Variants in TMEM117 observed in about 807,000 individuals in gnomAD.
The protein encoded by TMEM117 is transmembrane protein 117.
Under a neutral mutation model 52.4 loss-of-function variants are expected in TMEM117, and 27 were observed. That is an observed-to-expected ratio of 0.51 (90% CI 0.38 to 0.71). The LOEUF (loss-of-function observed/expected upper bound fraction) is 0.71. Ranked by LOEUF, TMEM117 falls within the 30% of genes least tolerant of loss-of-function variation. The pLI is 0.00. For synonymous variants in TMEM117, 215 were observed against 206.3 expected (o/e 1.04, Z -0.36); for missense variants, 556 against 630.5 (o/e 0.88, Z 1.26).
chr12:43,805,561 G>C, the TMEM117 span: 6 of 459,826 alleles, frequency 1.3e-5, no homozygotes, highest in African/African-American at 1.0e-4. Context: ...AAATAATGGA[G>C]GTCAGATATA....
At chr12:44,150,339 A>C (rs1352743410) in intron 4 of TMEM117, among the ~76,000 whole-genome samples, 2 of 152,154 alleles carry the variant, frequency 1.3e-5, no homozygotes, top group African/African-American at 4.8e-5. Context: ...GAAGGAGGCA[A>C]GCAAAGATAT....
At chr12:43,812,265 C>T in the TMEM117 span, among the ~76,000 whole-genome samples, 1 of 152,194 alleles carries the variant, frequency 6.6e-6, no homozygotes. Context: ...TTCTCAGAGA[C>T]AGCGCCTAAA....
At chr12:44,103,189 CTTCT>C (rs1227423030) in intron 3 of TMEM117, among the ~76,000 whole-genome samples, 3 of 148,852 alleles carry the variant, frequency 2.0e-5, no homozygotes, top group Admixed American at 6.7e-5. Context: ...TTTATAAGGT[CTTCT>C]TTCTTCTGCA....
At chr12:44,182,417 A>C (rs1949215199) in intron 4 of TMEM117, among the ~76,000 whole-genome samples, 1 of 152,224 alleles carries the variant, frequency 6.6e-6, no homozygotes, top group Non-Finnish European at 1.5e-5. Flanking sequence ...GAGAGAGGGC[A>C]TCCCTGTCTT....
intron 2 of TMEM117, among the ~76,000 whole-genome samples, chr12:43,847,953 G>C (rs1156800443): frequency 6.6e-6 from 1 of 152,182 alleles, no homozygotes; most frequent in Admixed American, 6.5e-5. Context: ...TCACATATCA[G>C]TAGGACTGTG....
intron 2 of TMEM117, among the ~76,000 whole-genome samples, chr12:43,907,432 G>A (rs6582489): frequency 0.98 from 148,481 of 150,754 alleles, 73,167 homozygotes; most frequent in East Asian, 1. Context: ...TCTAAAAAGC[G>A]GAGCGCCTCT....
chr12:43,943,726 A>G (rs903004759), intron 2 of TMEM117, among the ~76,000 whole-genome samples: 1 of 152,120 alleles, frequency 6.6e-6, no homozygotes, highest in African/African-American at 2.4e-5. Flanking sequence ...TTTTCTTTCA[A>G]GTTTTCATGT....
In TMEM117 at chr12:44,289,790, C is replaced by T. The variant is rs184841572; in HGVS notation, c.609-9790C>T. ...GATGGTCTCAAACTCCTTCCTGATC[C>T]GCCCGCCTCAGCTTCCCAAAGTGCT... is the stretch of plus-strand genomic sequence containing the variant. On this transcript the variant is annotated intron_variant, in intron 5 of 7. Transcript: ENST00000266534. Among the ~76,000 whole-genome samples, 314 of 152,034 alleles carry T rather than the reference C, an allele frequency of 2.1e-3. 5 individuals are homozygous for T. The highest frequency in any genetic ancestry group is 6.8e-3 in the African/African-American group (283 of 41,494).
chr12:44,208,716 A>G (rs1949603876), intron 4 of TMEM117, among the ~76,000 whole-genome samples: 1 of 145,358 alleles, frequency 6.9e-6, no homozygotes, highest in Non-Finnish European at 1.5e-5. Context: ...GCCTGGCATC[A>G]GAAAGAATGT....
At chr12:44,393,849 G>A (rs1272994680), downstream of TMEM117, among the ~76,000 whole-genome samples, 1 of 152,112 alleles carries the variant, frequency 6.6e-6, no homozygotes, top group South Asian at 2.1e-4. Context: ...TCATTGCCCC[G>A]TGTTTTGATT....
intron 2 of TMEM117, among the ~76,000 whole-genome samples, chr12:43,914,754 C>T (rs772166375): frequency 6.6e-6 from 1 of 152,076 alleles, no homozygotes; most frequent in East Asian, 1.9e-4. Context: ...GACCAAAAAG[C>T]ATTTGGGTAT....
the TMEM117 span, chr12:43,805,582 G>T: frequency 8.6e-6 from 4 of 466,602 alleles, no homozygotes; most frequent in South Asian, 6.2e-5. Context: ...ACTGCATATT[G>T]AACTGTCTGC....
At chr12:43,839,860 G>T (rs985971008) in intron 1 of TMEM117, among the ~76,000 whole-genome samples, 1 of 152,214 alleles carries the variant, frequency 6.6e-6, no homozygotes, top group Admixed American at 6.5e-5. Flanking sequence ...ATGATGATCA[G>T]CACTCTTTTG....
intron 2 of TMEM117, among the ~76,000 whole-genome samples, chr12:43,921,601 C>T (rs1166214396): frequency 6.6e-6 from 1 of 152,104 alleles, no homozygotes; most frequent in East Asian, 1.9e-4. Context: ...TTGGTTCTAC[C>T]TTCTCTTTCT....
At chr12:44,047,151 ATTAG>A (rs1310030443) in intron 3 of TMEM117, among the ~76,000 whole-genome samples, 2 of 152,108 alleles carry the variant, frequency 1.3e-5, no homozygotes, top group Non-Finnish European at 2.9e-5. Context: ...ATATAGTTCT[ATTAG>A]TTCTGTCCTT....
At chr12:44,153,731 G>A (rs536015879) in intron 4 of TMEM117, among the ~76,000 whole-genome samples, 3 of 151,940 alleles carry the variant, frequency 2.0e-5, no homozygotes, top group Non-Finnish European at 4.4e-5. Context: ...TTTGCTCCAC[G>A]TATTTTTAGA....
intron 3 of TMEM117, among the ~76,000 whole-genome samples, chr12:44,026,800 A>G (rs985372146): frequency 1.8e-4 from 27 of 152,098 alleles, no homozygotes; most frequent in African/African-American, 6.5e-4. Flanking sequence ...TTTTAAAATC[A>G]TATTTGCACT....
chr12:43,852,048 C>T (rs1380256855), intron 2 of TMEM117, among the ~76,000 whole-genome samples: 4 of 150,888 alleles, frequency 2.7e-5, no homozygotes, highest in African/African-American at 9.7e-5. Context: ...TCTGTAATCC[C>T]AGCACTTTGG....
intron 3 of TMEM117, among the ~76,000 whole-genome samples, chr12:43,945,684 T>A (rs1945120575): frequency 6.6e-6 from 1 of 152,202 alleles, no homozygotes; most frequent in Non-Finnish European, 1.5e-5. Flanking sequence ...AAATTAGATT[T>A]GTGACAATAA....
Sources: allele counts gnomAD v4.1 joint callset (sites outside exome capture counted in the v4.1 genomes callset), GRCh38; gene constraint gnomAD v4.1.1; transcripts MANE v1.5; gene names NCBI Gene and HGNC (gene_info 2026-07-23, HGNC 2026-07-21).